REXO1: variants seen among roughly 807,000 people sequenced by gnomAD.
REXO1 encodes REX1, RNA exonuclease 1 homolog.
Under a neutral mutation model 102.6 loss-of-function variants are expected in REXO1, and 42 were observed. That is an observed-to-expected ratio of 0.41 (90% confidence interval 0.32 to 0.53). The LOEUF (loss-of-function observed/expected upper bound fraction) is 0.53. Among genes scored for constraint, REXO1 ranks in the 20% least tolerant of loss-of-function variants. The probability of loss-of-function intolerance (pLI) is 0.27; values close to 1 mark genes in which losing one functional copy is unlikely to be tolerated. For synonymous variants in REXO1, 908 were observed against 779.1 expected (o/e 1.17, Z -2.76); for missense variants, 1,819 against 1,732.5 (o/e 1.05, Z -0.89).
chr19:1,830,301 A>C (rs1244996040), intron 1 of REXO1, among the ~76,000 whole-genome samples: 3 of 152,220 alleles, frequency 2.0e-5, no homozygotes, highest in Non-Finnish European at 4.4e-5. Flanking sequence ...GCTTGAGCTC[A>C]GGAGTTTAAG....
chr19:1,844,732 G>C (rs1486531673), intron 1 of REXO1, among the ~76,000 whole-genome samples: 1 of 152,252 alleles, frequency 6.6e-6, no homozygotes, highest in African/African-American at 2.4e-5. Context: ...CCCGAGGGCA[G>C]GAGCTGTGCG....
At chr19:1,820,168 G>C in intron 6 of REXO1, 96 bp downstream of exon 6, 1 of 1,560,496 alleles carries the variant, frequency 6.4e-7, no homozygotes, top group South Asian at 1.2e-5. Flanking sequence ...GCAGCTCCGG[G>C]TCACAGCTGC....
intron 7 of REXO1, 95 bp from the exon 8 acceptor site, chr19:1,819,226 T>G: frequency 1.2e-6 from 1 of 850,284 alleles, no homozygotes; most frequent in South Asian, 1.9e-5. Context: ...TCCTCAGACC[T>G]CTGCCTCAAC....
At chr19:1,845,725 C>A (rs1312166691) in intron 1 of REXO1, among the ~76,000 whole-genome samples, 1 of 152,158 alleles carries the variant, frequency 6.6e-6, no homozygotes, top group East Asian at 1.9e-4. Context: ...CAGAAGGAAA[C>A]CTGAGTCCTT....
At position 1,828,135 on chromosome 19, in the gene REXO1, A is replaced by C. The variant is rs2069796613; in HGVS notation, c.654T>G (p.Ser218Arg). 3 of 1,612,112 alleles carry C rather than the reference A, an allele frequency of 1.9e-6. No individual in the cohort carries two copies. In the East Asian group the frequency reaches 6.7e-5, roughly 36 times the overall value. Residue 218 changes from serine to arginine, a missense_variant, in exon 2 of 16, where the codon AGT becomes AGG. Ser to Arg is a moderately radical substitution (Grantham distance 110). Coordinates refer to ENST00000170168, the MANE Select transcript of REXO1 (RefSeq NM_020695.4). ...TGGAGTTGTCCACCACGTACTTGCC[A>C]CTGGGAACGGGGCGGCTGTGCCGCC... Reference protein sequence around the residue: ...QPRRHSRPVPSGKYVVDNSRP... With the variant: ...QPRRHSRPVPRGKYVVDNSRP...
chr19:1,846,209 A>G (rs936581074), intron 1 of REXO1, among the ~76,000 whole-genome samples: 3 of 152,210 alleles, frequency 2.0e-5, no homozygotes, highest in African/African-American at 7.2e-5. Context: ...ATCTCATAGG[A>G]AACTGGGTGT....
At chr19:1,819,902 T>G (rs905548840) in intron 7 of REXO1, 32 bp downstream of exon 7, 1 of 1,536,240 alleles carries the variant, frequency 6.5e-7, no homozygotes, top group South Asian at 1.3e-5. Context: ...AGAGCAACCC[T>G]GAGCCTCCCC....
chr19:1,837,144 G>A (rs1166751247), intron 1 of REXO1, among the ~76,000 whole-genome samples: 1 of 152,248 alleles, frequency 6.6e-6, no homozygotes, highest in East Asian at 1.9e-4. Context: ...GGCTGGTTGT[G>A]TCCACGGGAG....
intron 1 of REXO1, among the ~76,000 whole-genome samples, chr19:1,835,981 C>T (rs771371986): frequency 3.3e-5 from 5 of 152,240 alleles, no homozygotes; most frequent in African/African-American, 4.8e-5. Flanking sequence ...CCTGCAGCCC[C>T]GGGACGGGCT....
rs549548655 is a variant in REXO1 at position 1,837,278 on chromosome 19, G to T, written c.158-8647C>A. On this transcript the variant is annotated intron_variant, in intron 1 of 15. Transcript: ENST00000170168. ...CAAATGGCCATACGTCCACTCTGGGGGTCCCTGCTCCTGGGGCCTCCCCTC... is the reference window on the plus strand; with the variant it reads ...CAAATGGCCATACGTCCACTCTGGGTGTCCCTGCTCCTGGGGCCTCCCCTC... Among the ~76,000 whole-genome samples the T allele has an allele frequency of 2.0e-5, 3 of 152,272 alleles. No homozygotes were observed. In the South Asian group the frequency reaches 6.2e-4, roughly 32 times the overall value.
chr19:1,838,750 T>C (rs1322221795), intron 1 of REXO1, among the ~76,000 whole-genome samples: 1 of 151,174 alleles, frequency 6.6e-6, no homozygotes, highest in Non-Finnish European at 1.5e-5. Context: ...CTTCTCCCCC[T>C]ATGCCTCTCC....
chr19:1,842,491 T>C (rs1263893389), intron 1 of REXO1, among the ~76,000 whole-genome samples: 1 of 152,270 alleles, frequency 6.6e-6, no homozygotes, highest in Non-Finnish European at 1.5e-5. Flanking sequence ...ACTGAAGACC[T>C]AAGCAAAGAA....
chr19:1,842,991 G>C (rs564671757), intron 1 of REXO1, among the ~76,000 whole-genome samples: 1 of 152,182 alleles, frequency 6.6e-6, no homozygotes, highest in Non-Finnish European at 1.5e-5. Flanking sequence ...GCAAGAAGGC[G>C]GCTGCTCTGG....
In REXO1 at chr19:1,840,751, C is replaced by G. The variant is rs2011239474; in HGVS notation, c.157+7451G>C. Among the ~76,000 whole-genome samples the G allele has an allele frequency of 2.0e-5, 3 of 152,304 alleles. No homozygotes were observed. The South Asian group carries it at 6.2e-4, about 32-fold the overall frequency. On this transcript the variant is annotated intron_variant, in intron 1 of 15. Coordinates refer to ENST00000170168, the MANE Select transcript of REXO1 (RefSeq NM_020695.4). The stretch of plus-strand genomic sequence containing the variant: ...GGACCCGGGCCCACCCCACATCACC[C>G]CCTCCGCTTCTGCTTCCCGAGTCCC...
At chr19:1,835,080 C>A in intron 1 of REXO1, 1 of 248,396 alleles carries the variant, frequency 4.0e-6, no homozygotes, top group South Asian at 3.0e-5. Context: ...GCGTGCTGAG[C>A]CCCTGAAAGG....
chr19:1,816,040 A>G lies in REXO1; in HGVS notation c.*26T>C. The stretch of plus-strand genomic sequence containing the variant: ...GGCTAAGGACCAGCGGGACGGCAGG[A>G]GAGGCGGGTGGGAGGCGGGCAGGCG... On this transcript the variant is annotated 3_prime_UTR_variant, in exon 16 of 16. Coordinates refer to ENST00000170168, the MANE Select transcript of REXO1 (RefSeq NM_020695.4). 6.5e-7 allele frequency: 1 copy of G among 1,540,552 alleles called. No homozygotes were observed. Among genetic ancestry groups the G allele is most frequent in the Non-Finnish European group, 8.7e-7 (1 of 1,147,078 alleles).
chr19:1,844,882 C>T (rs951096676), intron 1 of REXO1, among the ~76,000 whole-genome samples: 3 of 152,220 alleles, frequency 2.0e-5, no homozygotes, highest in Admixed American at 2.0e-4. Flanking sequence ...CCTCTGCCTC[C>T]CTCAGGAGAA....
rs761058088 is a variant in REXO1, at chr19:1,828,562, C to A, written c.227G>T (p.Gly76Val). The A allele has an allele frequency of 1.2e-6, 2 of 1,604,136 alleles. No individual in the cohort carries two copies. Among genetic ancestry groups the A allele is most frequent in the Non-Finnish European group, 1.7e-6 (2 of 1,179,842 alleles). ...ATCCGGGCGCGGCTCCTCCCCCAGG[C>A]CCAGGGTGCCATTCTCCCTCTGCGC... is the stretch of plus-strand genomic sequence containing the variant. Reference protein sequence around the residue: ...PPAQRENGTLGLGEEPRPDVL... With the variant: ...PPAQRENGTLVLGEEPRPDVL... The change falls in exon 2 of 16, where the codon GGC becomes GTC. Residue 76 changes from glycine (G) to valine (V), a missense_variant. Transcript: ENST00000170168.
In REXO1 at chr19:1,815,649, A is replaced by C; in HGVS notation, c.*417T>G. On this transcript the variant is annotated 3_prime_UTR_variant, in exon 16 of 16. Coordinates refer to ENST00000170168, the MANE Select transcript of REXO1 (RefSeq NM_020695.4). This position sits in a 1 kb window ranked among gnomAD's most constrained non-coding sequence, Gnocchi z 4.0. ...ATCAGGTTTAAATTAAAAATAATAA[A>C]AATAACAATACAAAATAAAAAAAGA... 2 of 1,188,342 alleles carry C rather than the reference A, an allele frequency of 1.7e-6. No homozygotes were observed. Among genetic ancestry groups the C allele is most frequent in the Non-Finnish European group, 2.1e-6 (2 of 942,476 alleles). The allele number at this position is 1,188,342 out of a possible 1,614,324, so 73.6% of individuals were successfully genotyped here.
Sources: allele counts gnomAD v4.1 joint callset (sites outside exome capture counted in the v4.1 genomes callset), GRCh38; gene constraint gnomAD v4.1.1; non-coding constraint Gnocchi (gnomAD v3.1); transcripts MANE v1.5; gene names NCBI Gene and HGNC (gene_info 2026-07-23, HGNC 2026-07-21).